GPS1: variants seen among roughly 807,000 people sequenced by gnomAD.
The protein encoded by GPS1 is G protein pathway suppressor 1.
In GPS1, 11 loss-of-function variants were observed where a neutral mutation model predicts 60.0. That is an observed-to-expected ratio of 0.18 (90% CI 0.12 to 0.30). The LOEUF (loss-of-function observed/expected upper bound fraction) is 0.30, where lower values mean the gene tolerates loss of function less well. GPS1 is among the 10% of genes least tolerant of loss of function. The pLI, the probability that GPS1 is intolerant of heterozygous loss-of-function variation, is 1.00. For synonymous variants in GPS1, 343 were observed against 269.8 expected, an observed-to-expected ratio of 1.27 and a Z score of -2.66; for missense variants, 543 against 669.2, an observed-to-expected ratio of 0.81 and a Z score of 2.08.
Position 82,051,998 on chromosome 17 carries a change from C to A in GPS1, c.33+34C>A, listed in dbSNP as rs1476348362. On this transcript the variant is annotated intron_variant, in intron 1 of 12. Transcript: ENST00000578552. The surrounding 1 kb of genome is among the most constrained non-coding windows in gnomAD (Gnocchi z 4.1). Reference sequence around the variant, plus strand: ...CCGAGGCCGCCCCGGGCCTCCGCGCCCCCGCGCCCCCCGCCACTGGGGCCG... The same window carrying A: ...CCGAGGCCGCCCCGGGCCTCCGCGCACCCGCGCCCCCCGCCACTGGGGCCG... 2.6e-6 allele frequency: 3 copies of A among 1,145,304 alleles called. No individual in the cohort carries two copies. Among genetic ancestry groups the A allele is most frequent in the Non-Finnish European group, 3.2e-6 (3 of 931,462 alleles). The allele number at this position is 1,145,304 out of a possible 1,614,324, so 70.9% of individuals were successfully genotyped here. A position where few individuals can be genotyped will look rare whatever the true frequency, so the allele number is the denominator to read the frequency against.
At chr17:82,056,235 T>TG in intron 8 of GPS1, 51 bp from the exon 9 acceptor site, 1 of 1,422,914 alleles carries the variant, frequency 7.0e-7, no homozygotes, top group Admixed American at 1.7e-5. Flanking sequence ...ACTGGCCACT[T>TG]GGAGGGAGGG....
chr17:82,052,462 A>C, intron 1 of GPS1: 1 of 1,607,216 alleles, frequency 6.2e-7, no homozygotes, highest in Non-Finnish European at 8.5e-7. Context: ...TCTACGAGGT[A>C]CCTTCCAGGA....
intron 2 of GPS1, 169 bp from the exon 3 acceptor site, chr17:82,053,699 C>T (rs1280721053): frequency 1.9e-5 from 13 of 687,938 alleles, no homozygotes; most frequent in African/African-American, 9.1e-5. Flanking sequence ...CAGCGGTCTT[C>T]GTAGCTCCTG....
chr17:82,052,634 G>T (rs2031145684), intron 1 of GPS1: 2 of 769,306 alleles, frequency 2.6e-6, no homozygotes, highest in East Asian at 2.8e-5. Context: ...CGAGCTCTTG[G>T]TGCTTTTCCC....
chr17:82,056,165 C>T, intron 8 of GPS1, 70 bp downstream of exon 8: 4 of 1,418,388 alleles, frequency 2.8e-6, no homozygotes, highest in Non-Finnish European at 4.0e-6. Flanking sequence ...TTCGGCCTTG[C>T]ATGTCCTGGC....
chr17:82,051,349 G>A (rs763681402), upstream of GPS1: 4 of 1,468,196 alleles, frequency 2.7e-6, no homozygotes, highest in African/African-American at 1.5e-5. The surrounding 1 kb of genome is among the most constrained non-coding windows in gnomAD (Gnocchi z 4.1). Flanking sequence ...ACGTCTGGGG[G>A]AGAAACAATC....
chr17:82,052,663 C>T (rs892017027), intron 1 of GPS1: 22 of 626,530 alleles, frequency 3.5e-5, no homozygotes, highest in Non-Finnish European at 5.7e-5. Context: ...GCGGGAGGCC[C>T]ACGGGTCCGG....
In GPS1 at chr17:82,055,166, G is replaced by A. The variant is rs759169597; in HGVS notation, c.692G>A (p.Arg231Gln). The change falls in exon 6 of 13, where the codon CGA (arginine) becomes CAA (glutamine). Residue 231 changes from arginine (R) to glutamine (Q), a missense_variant. Physicochemically the swap from Arg to Gln is conservative, Grantham distance 43. Coordinates refer to ENST00000578552, the MANE Select transcript of GPS1 (RefSeq NM_001321092.3). ...GCATGTGGCTTCCTCCTACAGCAGC[G>A]AGGAGAGCGTGACAGCCAGACCCAG... ...AESTPEIAEQ[R>Q]GERDSQTQAI... 2.6e-6 allele frequency: 4 copies of A among 1,564,016 alleles called. No homozygotes were observed. Among genetic ancestry groups the A allele is most frequent in the East Asian group, 2.4e-5 (1 of 41,616 alleles).
rs139212789 is a variant in GPS1, at chr17:82,054,657, C to T, written c.456C>T (p.Ser152=). The part of the protein sequence containing the change: ...DTDLKNYKGN[S]IKESIRRGHD... ...ACCTGAAGAACTACAAGGGCAACTC[C>T]ATCAAAGAGAGCATCCGGCGCGGCC... The change falls in exon 4 of 13, where the codon TCC becomes TCT. Residue 152 remains serine, a synonymous_variant. Transcript: ENST00000578552. 10 of 1,610,966 alleles carry T rather than the reference C, an allele frequency of 6.2e-6. No individual in the cohort carries two copies. Among genetic ancestry groups the T allele is most frequent in the East Asian group, 2.2e-5 (1 of 44,868 alleles).
intron 1 of GPS1, chr17:82,052,460 G>A (rs1233406969): frequency 1.2e-6 from 2 of 1,610,692 alleles, no homozygotes; most frequent in African/African-American, 1.3e-5. Context: ...GCTCTACGAG[G>A]TACCTTCCAG....
At chr17:82,053,484 C>T in intron 2 of GPS1, 118 bp downstream of exon 2, 1 of 731,586 alleles carries the variant, frequency 1.4e-6, no homozygotes, top group Non-Finnish European at 2.0e-6. Flanking sequence ...TCGCTGTCGT[C>T]TTTTTCTGAC....
rs748139544 is a variant in GPS1 at position 82,056,931 on chromosome 17, T to C, written c.1346T>C (p.Met449Thr). The C allele has an allele frequency of 3.5e-5, 57 of 1,612,772 alleles. No homozygotes were observed. Among genetic ancestry groups the C allele is most frequent in the South Asian group, 2.2e-4 (20 of 91,092 alleles). Reference sequence around the variant, plus strand: ...GAGTTCCAGCGCCGCGCCAAGGCCATGATGCTGCGGGCAGCTGTGCTCCGC... The same window carrying C: ...GAGTTCCAGCGCCGCGCCAAGGCCACGATGCTGCGGGCAGCTGTGCTCCGC... ...GKEFQRRAKA[M>T]MLRAAVLRNQ... Residue 449 changes from methionine to threonine, a missense_variant, in exon 12 of 13, where the codon ATG (methionine) becomes ACG (threonine). Coordinates refer to ENST00000578552, the MANE Select transcript of GPS1 (RefSeq NM_001321092.3).
chr17:82,054,814 G>T lies in GPS1; in HGVS notation c.609+4G>T. 6.3e-7 allele frequency: 1 copy of T among 1,588,788 alleles called. No individual in the cohort carries two copies. ...CATGTGCCTCAATGTCATCAAGGTC[G>T]GCCTGCCTCGGCGGGCGGGGGTGGG... On this transcript the variant is annotated splice_donor_region_variant and intron_variant, in intron 4 of 12. Transcript: ENST00000578552.
chr17:82,053,455 G>A (rs1200835698), intron 2 of GPS1, 89 bp downstream of exon 2: 1 of 937,646 alleles, frequency 1.1e-6, no homozygotes, highest in Non-Finnish European at 1.5e-6. Context: ...ACAGCAGGTA[G>A]AATGATCCTC....
rs780270950 is a variant in GPS1, at chr17:82,052,220, C to T, written c.33+256C>T. The stretch of plus-strand genomic sequence containing the variant: ...CCCAGCAGCTCACGGGAGAGGTTCC[C>T]GGCCGCCCCGACGCTAACGCTCTTT... On this transcript the variant is annotated intron_variant, in intron 1 of 12. Transcript: ENST00000578552. 666 of 1,567,890 alleles carry T rather than the reference C, an allele frequency of 4.2e-4. 4 individuals are homozygous for T. The highest frequency in any genetic ancestry group is 6.1e-5 in the Non-Finnish European group (70 of 1,151,628).
At position 82,056,511 on chromosome 17, in the gene GPS1, GACCCT is replaced by G; in HGVS notation, c.1078_1082del (p.Thr360ValfsTer23). ...ACATGTATCTGGCCCCCCATGTCAG[GACCCT>G]GTACACCCAGATTCGCAACCGTGCC... On this transcript the variant is annotated frameshift_variant, in exon 10 of 13. Transcript: ENST00000578552. LOFTEE classifies it high-confidence loss of function. 6.2e-7 allele frequency: 1 copy of G among 1,613,150 alleles called. No homozygotes were observed. The highest frequency in any genetic ancestry group is 8.5e-7 in the Non-Finnish European group (1 of 1,179,990).
chr17:82,054,210 T>C lies in GPS1; in HGVS notation c.308+161T>C, dbSNP rs191069234. 4.9e-6 allele frequency: 4 copies of C among 811,398 alleles called. No individual in the cohort carries two copies. The Admixed American group carries it at 8.7e-5, about 18-fold the overall frequency. The allele number at this position is 811,398 out of a possible 1,614,324, so 50.3% of individuals were successfully genotyped here. A position where few individuals can be genotyped will look rare whatever the true frequency, so the allele number is the denominator to read the frequency against. On this transcript the variant is annotated intron_variant, in intron 3 of 12. Coordinates refer to ENST00000578552, the MANE Select transcript of GPS1 (RefSeq NM_001321092.3). ...TTTGGCCAGCAGTGGAAGTGCCCTGTGTGTGTGTGGCTTCTGTGTGTGTGC... is the reference window on the plus strand; with the variant it reads ...TTTGGCCAGCAGTGGAAGTGCCCTGCGTGTGTGTGGCTTCTGTGTGTGTGC...
intron 6 of GPS1, 56 bp downstream of exon 6, chr17:82,055,278 C>T (rs1734749589): frequency 6.6e-7 from 1 of 1,514,696 alleles, no homozygotes. Flanking sequence ...CTAAGTCCTC[C>T]CAGCCCAGGG....
Position 82,052,514 on chromosome 17 carries a change from C to T in GPS1, c.33+550C>T, listed in dbSNP as rs956062132. ...AGGGAGGGGGGAGCAGGGCCCCGGC[C>T]GCCCCTGCTGTGGCTGGGCCCCTGC... On this transcript the variant is annotated intron_variant, in intron 1 of 12. Coordinates refer to ENST00000578552, the MANE Select transcript of GPS1 (RefSeq NM_001321092.3). 5.1e-6 allele frequency: 8 copies of T among 1,577,316 alleles called. No individual in the cohort carries two copies. In the Admixed American group the frequency reaches 1.2e-4, roughly 24 times the overall value.
Sources: gnomAD v4.1 joint callset for allele counts on GRCh38, gnomAD v4.1.1 for gene constraint, Gnocchi (gnomAD v3.1) non-coding constraint, MANE v1.5 for transcripts, NCBI Gene and HGNC (gene_info 2026-07-23, HGNC 2026-07-21) for gene names.